The following OR2T6 variants were observed in gnomAD, a reference collection of about 807,000 sequenced individuals.
The protein encoded by OR2T6 is olfactory receptor family 2 subfamily T member 6.
For missense variants in OR2T6, 424 were observed against 391.6 expected (o/e 1.08, Z -0.70); for synonymous variants, 174 against 148.0 (o/e 1.18, Z -1.27).
chr1:248,384,202 A>G (rs1356776580), intron 1 of OR2T6, among the ~76,000 whole-genome samples: 1 of 48,346 alleles, frequency 2.1e-5, no homozygotes, highest in African/African-American at 9.4e-5. Flanking sequence ...TAGTGTTATC[A>G]TCATGGAGAA....
chr1:248,382,903 A>G (rs553266638), intron 1 of OR2T6, among the ~76,000 whole-genome samples: 76 of 152,246 alleles, frequency 5.0e-4, no homozygotes, highest in African/African-American at 1.7e-3. Flanking sequence ...CCACAACCCT[A>G]ACAAAATTTT....
chr1:248,388,157 C>A lies in OR2T6; in HGVS notation c.549C>A (p.Thr183=). 6.2e-7 allele frequency: 1 copy of A among 1,613,866 alleles called. No homozygotes were observed. The highest frequency in any genetic ancestry group is 1.7e-5 in the Admixed American group (1 of 59,994). The change falls in exon 3 of 3, where the codon ACC becomes ACA. Residue 183 remains threonine (T), a synonymous_variant. Coordinates refer to ENST00000641644, the MANE Select transcript of OR2T6 (RefSeq NM_001005471.2). The part of the protein sequence containing the change: ...QINHFFCEAP[T]MLRLACGDKT... Reference sequence around the variant, plus strand: ...ATCACTTTTTCTGTGAGGCACCCACCATGCTGAGGCTGGCCTGTGGGGACA... The same window carrying A: ...ATCACTTTTTCTGTGAGGCACCCACAATGCTGAGGCTGGCCTGTGGGGACA...
At chr1:248,386,674 T>C (rs984742231) in intron 2 of OR2T6, among the ~76,000 whole-genome samples, 1 of 152,230 alleles carries the variant, frequency 6.6e-6, no homozygotes, top group Non-Finnish European at 1.5e-5. Context: ...ATCACTAATA[T>C]CTCACTGTCT....
At position 248,390,796 on chromosome 1, in the gene OR2T6, G is replaced by T. The variant is rs903994707; in HGVS notation, c.*2261G>T. 2 of 152,166 alleles carry T rather than the reference G, an allele frequency of 1.3e-5. No individual in the cohort carries two copies. Among genetic ancestry groups the T allele is most frequent in the African/African-American group, 4.8e-5 (2 of 41,434 alleles). The allele number at this position is 152,166 out of a possible 1,614,324, so 9.4% of individuals were successfully genotyped here. The stretch of plus-strand genomic sequence containing the variant: ...CCATAAGAACTGATCATCAGTTTCA[G>T]CTCCACGTAAACACCATGTGAATTT... On this transcript the variant is annotated 3_prime_UTR_variant, in exon 3 of 3. Transcript: ENST00000641644.
intron 2 of OR2T6, among the ~76,000 whole-genome samples, chr1:248,385,182 T>A (rs189945635): frequency 5.1e-4 from 78 of 152,250 alleles, no homozygotes; most frequent in African/African-American, 1.7e-3. Context: ...TTTTTCTGAG[T>A]GGTTCACGCC....
In OR2T6 at chr1:248,387,903, G is replaced by C; in HGVS notation, c.295G>C (p.Ala99Pro). Residue 99 changes from alanine to proline, a missense_variant, in exon 3 of 3, where the codon GCT (alanine) becomes CCT (proline). Transcript: ENST00000641644. ...GACCATCTCTTTCATCGCCTGCACT[G>C]CTCAGTGCTTTCTCTACATGGGCTT... ...EGTISFIACT[A>P]QCFLYMGFMG... is the part of the protein sequence containing the mutation. 1 of 1,602,084 alleles carries C rather than the reference G, an allele frequency of 6.2e-7. No homozygotes were observed. Among genetic ancestry groups the C allele is most frequent in the South Asian group, 1.1e-5 (1 of 88,540 alleles).
In OR2T6 at chr1:248,388,457, C is replaced by T. The variant is rs201742764; in HGVS notation, c.849C>T (p.Pro283=). 86 of 1,611,390 alleles carry T rather than the reference C, an allele frequency of 5.3e-5. No individual in the cohort carries two copies. Among genetic ancestry groups the T allele is most frequent in the East Asian group, 3.6e-4 (16 of 44,860 alleles). The part of the protein sequence containing the change: ...VFSAFYTILT[P]LLNPLIYSLR... ...CTGCCTTTTATACCATCCTCACACCCTTATTAAACCCTCTCATCTACAGTC... is the reference window on the plus strand; with the variant it reads ...CTGCCTTTTATACCATCCTCACACCTTTATTAAACCCTCTCATCTACAGTC... The change falls in exon 3 of 3, where the codon CCC becomes CCT. Residue 283 remains proline, a synonymous_variant. Coordinates refer to ENST00000641644, the MANE Select transcript of OR2T6 (RefSeq NM_001005471.2).
intron 1 of OR2T6, among the ~76,000 whole-genome samples, chr1:248,378,000 T>C (rs992239649): frequency 1.3e-5 from 2 of 152,252 alleles, no homozygotes; most frequent in Non-Finnish European, 2.9e-5. Flanking sequence ...GAGTATAATG[T>C]AAATTGAGCA....
At chr1:248,377,715 T>A (rs898351732) in intron 1 of OR2T6, among the ~76,000 whole-genome samples, 3 of 152,184 alleles carry the variant, frequency 2.0e-5, no homozygotes, top group Non-Finnish European at 4.4e-5. Flanking sequence ...AAATAAATAA[T>A]CAGATTCACG....
At chr1:248,380,486 A>G (rs1040480048) in intron 1 of OR2T6, among the ~76,000 whole-genome samples, 2 of 151,928 alleles carry the variant, frequency 1.3e-5, no homozygotes, top group Non-Finnish European at 1.5e-5. Flanking sequence ...TAAGTCTTTT[A>G]TATGGTCTTT....
chr1:248,385,300 T>C (rs893326395), intron 2 of OR2T6, among the ~76,000 whole-genome samples: 2 of 152,232 alleles, frequency 1.3e-5, no homozygotes, highest in African/African-American at 2.4e-5. Flanking sequence ...ATTTTCAGTA[T>C]AGATAAAAAA....
chr1:248,388,510 T>A lies in OR2T6; in HGVS notation c.902T>A (p.Leu301Ter). Residue 301 changes from leucine to a stop codon, truncating the protein, a stop_gained, in exon 3 of 3, where the codon TTG (leucine) becomes TAG (stop). Transcript: ENST00000641644. LOFTEE classifies it low-confidence loss of function (END_TRUNC). ...SLRNRDVMGA[L>*]KRVVARC ...AGGAACAGGGATGTGATGGGTGCCT[T>A]GAAGAGAGTTGTGGCAAGATGTTAG... 6.3e-7 allele frequency: 1 copy of A among 1,577,336 alleles called. No homozygotes were observed. Among genetic ancestry groups the A allele is most frequent in the South Asian group, 1.2e-5 (1 of 84,272 alleles).
At chr1:248,379,699 A>G (rs1661000271) in intron 1 of OR2T6, among the ~76,000 whole-genome samples, 1 of 150,066 alleles carries the variant, frequency 6.7e-6, no homozygotes, top group Admixed American at 6.6e-5. Context: ...TATAAAATAA[A>G]TGATTAATTA....
At chr1:248,377,347 G>A (rs1471942933) in intron 1 of OR2T6, among the ~76,000 whole-genome samples, 1 of 152,200 alleles carries the variant, frequency 6.6e-6, no homozygotes, top group African/African-American at 2.4e-5. Flanking sequence ...GTATGAGTTT[G>A]AAATGGGAAA....
At chr1:248,378,224 G>T (rs541685348) in intron 1 of OR2T6, among the ~76,000 whole-genome samples, 128 of 152,220 alleles carry the variant, frequency 8.4e-4, no homozygotes, top group African/African-American at 3.0e-3. Flanking sequence ...GTTTCAATTT[G>T]TACTTACACT....
At chr1:248,386,124 A>G (rs899370452) in intron 2 of OR2T6, among the ~76,000 whole-genome samples, 2 of 152,214 alleles carry the variant, frequency 1.3e-5, no homozygotes, top group African/African-American at 4.8e-5. Flanking sequence ...TTACTGCTAC[A>G]TCATCTGCCT....
At chr1:248,379,149 C>T (rs74745686) in intron 1 of OR2T6, among the ~76,000 whole-genome samples, 13,724 of 151,276 alleles carry the variant, frequency 0.091, 1,912 homozygotes, top group African/African-American at 0.3. Flanking sequence ...TGCTCCAGCC[C>T]GAGGAACAGA....
In OR2T6 at chr1:248,387,758, C is replaced by A; in HGVS notation, c.150C>A (p.Asn50Lys). 6.2e-7 allele frequency: 1 copy of A among 1,613,828 alleles called. No individual in the cohort carries two copies. The highest frequency in any genetic ancestry group is 8.5e-7 in the Non-Finnish European group (1 of 1,179,782). The change falls in exon 3 of 3, where the codon AAC (asparagine) becomes AAA (lysine). Residue 50 changes from asparagine (N) to lysine (K), a missense_variant. Transcript: ENST00000641644. ...ATGGGGTCATGATCTTCCTGATTAA[C>A]ATAGACCCTCATCTCCACACCCCCA... ...IANGVMIFLI[N>K]IDPHLHTPMY...
chr1:248,381,779 G>C (rs1011501545), intron 1 of OR2T6, among the ~76,000 whole-genome samples: 1 of 151,830 alleles, frequency 6.6e-6, no homozygotes, highest in African/African-American at 2.4e-5. Flanking sequence ...AACGTTTACT[G>C]TTAGTAATAT....
Sources: allele counts gnomAD v4.1 joint callset (sites outside exome capture counted in the v4.1 genomes callset), GRCh38; gene constraint gnomAD v4.1.1; transcripts MANE v1.5; gene names NCBI Gene and HGNC (gene_info 2026-07-23, HGNC 2026-07-21).